The following AGMO variants were observed in gnomAD, a reference collection of about 807,000 sequenced individuals.
The protein encoded by AGMO is glyceryl-ether monooxygenase.
AGMO carries 75 observed loss-of-function variants against 60.2 expected under a neutral mutation model. The ratio of observed to expected loss-of-function variants is 1.25; its 90% CI spans 1.03 to 1.51. The LOEUF (loss-of-function observed/expected upper bound fraction) is 1.51, where lower values mean the gene tolerates loss of function less well. Ranked by LOEUF, AGMO falls within the 40% of genes most tolerant of loss-of-function variation. The pLI is 0.00. For synonymous variants in AGMO, 261 were observed against 177.1 expected (o/e 1.47, Z -3.76); for missense variants, 763 against 525.5 (o/e 1.45, Z -4.42).
rs549954204 is a variant in AGMO at position 15,227,740 on chromosome 7, G to A, written c.1264-26381C>T. On this transcript the variant is annotated intron_variant, in intron 12 of 12. Transcript: ENST00000342526. ...GTAAGTACACATGCCCAAGGACTTT[G>A]ACTTTCCAGACTTTTCCTTTCCTTC... 4.9e-4 allele frequency among the ~76,000 whole-genome samples: 75 copies of A among 152,184 alleles called. 1 individual carries two copies. The South Asian group carries it at 0.015, about 31-fold the overall frequency.
At chr7:15,499,410 G>T (rs1388437647) in intron 3 of AGMO, among the ~76,000 whole-genome samples, 1 of 151,838 alleles carries the variant, frequency 6.6e-6, no homozygotes, top group Non-Finnish European at 1.5e-5. Context: ...GATCAGAGAT[G>T]TTCCAACTGG....
chr7:15,528,756 C>A (rs1360789055), intron 3 of AGMO, among the ~76,000 whole-genome samples: 3 of 152,120 alleles, frequency 2.0e-5, no homozygotes, highest in African/African-American at 7.2e-5. Flanking sequence ...TCAAGTGATT[C>A]TCCCACTTCA....
intron 12 of AGMO, among the ~76,000 whole-genome samples, chr7:15,325,466 G>A (rs10265864): frequency 0.82 from 124,565 of 152,072 alleles, 51,789 homozygotes; most frequent in East Asian, 0.96. Context: ...ATTATTTTCC[G>A]TTGTTTTTTA....
chr7:15,294,550 G>C (rs925908354), intron 12 of AGMO, among the ~76,000 whole-genome samples: 1 of 151,536 alleles, frequency 6.6e-6, no homozygotes, highest in African/African-American at 2.4e-5. Context: ...AAATGTGTGC[G>C]ACATGTATTT....
chr7:15,560,186 T>G lies in AGMO; in HGVS notation c.212A>C (p.Asp71Ala). 1 of 1,613,204 alleles carries G rather than the reference T, an allele frequency of 6.2e-7. No homozygotes were observed. The highest frequency in any genetic ancestry group is 8.5e-7 in the Non-Finnish European group (1 of 1,179,338). The change falls in exon 2 of 13, where the codon GAT (aspartate) becomes GCT (alanine). Residue 71 changes from aspartate (D) to alanine (A), a missense_variant. Transcript: ENST00000342526. The part of the protein sequence containing the change: ...LKGKPPGRLD[D>A]ALTSISAGVL... The stretch of plus-strand genomic sequence containing the variant: ...ACCAGCTGAGATTGACGTTAAAGCA[T>G]CATCCAGGCGACCTGGTGGCTTTCC...
the AGMO span, among the ~76,000 whole-genome samples, chr7:15,182,814 G>C: frequency 6.6e-6 from 1 of 152,166 alleles, no homozygotes. Context: ...TTGGTTCATG[G>C]TTCTGCAGGC....
At chr7:15,180,384 A>T in the AGMO span, among the ~76,000 whole-genome samples, 1 of 152,116 alleles carries the variant, frequency 6.6e-6, no homozygotes, top group Non-Finnish European at 1.5e-5. Context: ...AGAGTTCTGA[A>T]TTTCATAAAG....
At chr7:15,418,785 A>G (rs1466983569) in intron 4 of AGMO, 132 bp from the exon 5 acceptor site, 5 of 581,288 alleles carry the variant, frequency 8.6e-6, no homozygotes, top group Non-Finnish European at 1.4e-5. Context: ...TTTTATTGCC[A>G]TGTTTACTTT....
At chr7:15,276,003 T>C (rs1035890182) in intron 12 of AGMO, among the ~76,000 whole-genome samples, 1 of 152,180 alleles carries the variant, frequency 6.6e-6, no homozygotes, top group African/African-American at 2.4e-5. Context: ...ATCTTTTAAG[T>C]GGAGCAGATA....
At chr7:15,362,415 A>G (rs760133476) in intron 12 of AGMO, among the ~76,000 whole-genome samples, 4 of 152,280 alleles carry the variant, frequency 2.6e-5, no homozygotes, top group Admixed American at 6.5e-5. Context: ...AAGTTTAATC[A>G]TTAATGGCTT....
At chr7:15,486,453 C>A (rs1177989443) in intron 3 of AGMO, among the ~76,000 whole-genome samples, 1 of 151,982 alleles carries the variant, frequency 6.6e-6, no homozygotes, top group Non-Finnish European at 1.5e-5. Context: ...TTTGAGGGAG[C>A]AAAACATTCA....
chr7:15,276,891 C>CTTTTTTTTTTTTTTTTGTTTTTTTTTTTT (rs34137663), intron 12 of AGMO, among the ~76,000 whole-genome samples: 1 of 139,384 alleles, frequency 7.2e-6, no homozygotes, highest in African/African-American at 2.6e-5. Flanking sequence ...GCCATTTTTC[C>CTTTTTTTTTTTTTTTTGTTTTTTTTTTTT]TTTTTTTTTT....
chr7:15,156,501 C>A, the AGMO span, among the ~76,000 whole-genome samples: 5 of 152,170 alleles, frequency 3.3e-5, no homozygotes, highest in Non-Finnish European at 5.9e-5. Flanking sequence ...TTAATGCAGG[C>A]TGGAGTTCTG....
chr7:15,248,206 A>ATG (rs1782817008), intron 12 of AGMO, among the ~76,000 whole-genome samples: 13 of 94,750 alleles, frequency 1.4e-4, no homozygotes, highest in Middle Eastern at 5.0e-3. Context: ...ATATATATAT[A>ATG]TATATATATA....
chr7:15,538,365 T>C (rs1287180468), intron 3 of AGMO, among the ~76,000 whole-genome samples: 2 of 152,096 alleles, frequency 1.3e-5, no homozygotes, highest in Non-Finnish European at 2.9e-5. Flanking sequence ...TCTGAGCAGC[T>C]AGAATTGTAG....
chr7:15,322,435 T>TATATATATAAATATATATATAA (rs1781136081), intron 12 of AGMO, among the ~76,000 whole-genome samples: 3 of 113,704 alleles, frequency 2.6e-5, no homozygotes, highest in Non-Finnish European at 3.7e-5. Context: ...CCTGTGTGTG[T>TATATATATAAATATATATATAA]ATATATATAA....
chr7:15,333,037 A>G (rs889640808), intron 12 of AGMO, among the ~76,000 whole-genome samples: 40 of 152,320 alleles, frequency 2.6e-4, no homozygotes, highest in African/African-American at 7.9e-4. Context: ...GGAAAAGCAT[A>G]TAGTCCAAGC....
In AGMO at chr7:15,554,994, T is replaced by C. The variant is rs183167727; in HGVS notation, c.257+5147A>G. Among the ~76,000 whole-genome samples, 5 of 151,956 alleles carry C rather than the reference T, an allele frequency of 3.3e-5. No homozygotes were observed. In the East Asian group the frequency reaches 5.8e-4, roughly 18 times the overall value. On this transcript the variant is annotated intron_variant, in intron 2 of 12. Transcript: ENST00000342526. ...TTAAGAAAGCAAGTGACATTTGGTGTAATACTGTCGTTGAAAACTCCTAAG... is the reference window on the plus strand; with the variant it reads ...TTAAGAAAGCAAGTGACATTTGGTGCAATACTGTCGTTGAAAACTCCTAAG...
At chr7:15,273,541 G>C (rs540103691) in intron 12 of AGMO, among the ~76,000 whole-genome samples, 29 of 152,300 alleles carry the variant, frequency 1.9e-4, no homozygotes, top group African/African-American at 6.5e-4. Flanking sequence ...AGTATAGTTT[G>C]AAGTCAGGTA....
Sources: gnomAD v4.1 joint callset for allele counts (sites outside exome capture counted in the v4.1 genomes callset) on GRCh38, gnomAD v4.1.1 for gene constraint, MANE v1.5 for transcripts, NCBI Gene and HGNC (gene_info 2026-07-23, HGNC 2026-07-21) for gene names.